The following RUVBL2 variants were observed in gnomAD, a reference collection of about 807,000 sequenced individuals.
The protein encoded by RUVBL2 is RuvB like AAA ATPase 2.
A neutral mutation model predicts 57.9 loss-of-function variants in RUVBL2; 9 were observed. The ratio of observed to expected loss-of-function variants is 0.16; its 90% CI spans 0.09 to 0.27. RUVBL2 has a LOEUF of 0.27. RUVBL2 is among the 10% of genes least tolerant of loss of function. The pLI is 1.00. For synonymous variants in RUVBL2, 278 were observed against 264.6 expected (o/e 1.05, Z -0.49); for missense variants, 456 against 669.6 (o/e 0.68, Z 3.52).
At chr19:48,996,119 C>A (rs1298164817) in intron 1 of RUVBL2, among the ~76,000 whole-genome samples, 1 of 151,492 alleles carries the variant, frequency 6.6e-6, no homozygotes, top group Non-Finnish European at 1.5e-5. Context: ...CCACAGCAGT[C>A]CAGCCTGGGG....
At chr19:49,012,674 C>T (rs10410984) in intron 11 of RUVBL2, among the ~76,000 whole-genome samples, 86,146 of 152,178 alleles carry the variant, frequency 0.57, 24,915 homozygotes, top group Admixed American at 0.66. Context: ...TGAGTGTGAA[C>T]GAGGCAACAC....
At chr19:49,008,402 G>A (rs190163063) in intron 6 of RUVBL2, among the ~76,000 whole-genome samples, 12,816 of 149,376 alleles carry the variant, frequency 0.086, 574 homozygotes, top group Middle Eastern at 0.1. Context: ...CACCACGCCC[G>A]GCTAATTTTT....
At chr19:49,010,357 G>C (rs1308089667) in intron 8 of RUVBL2, 131 bp from the exon 9 acceptor site, 1 of 943,774 alleles carries the variant, frequency 1.1e-6, no homozygotes, top group Non-Finnish European at 1.6e-6. Context: ...GGGGTTTCCA[G>C]ATGACCCCAT....
chr19:49,014,521 C>T lies in RUVBL2; in HGVS notation c.1039C>T (p.Pro347Ser). 6.2e-7 allele frequency: 1 copy of T among 1,614,124 alleles called. No homozygotes were observed. Among genetic ancestry groups the T allele is most frequent in the Non-Finnish European group, 8.5e-7 (1 of 1,180,000 alleles). The change falls in exon 12 of 15, where the codon CCC becomes TCC. Residue 347 changes from proline (P) to serine (S), a missense_variant. Pro to Ser is a moderately conservative substitution (Grantham distance 74). Around this residue, in one of 5 missense-constraint regions of RUVBL2, gnomAD observed 130 missense variants for 243.0 expected, o/e 0.53. Coordinates refer to ENST00000595090, the MANE Select transcript of RUVBL2 (RefSeq NM_006666.3). ...GTSYQSPHGIPIDLLDRLLIV... is the reference protein window; with the variant it reads ...GTSYQSPHGISIDLLDRLLIV... ...CAGCTACCAGAGCCCTCACGGCATC[C>T]CCATAGACCTGCTGGACCGGCTGCT...
chr19:49,015,542 C>T (rs1434995791), intron 13 of RUVBL2, 30 bp from the exon 14 acceptor site: 7 of 1,524,322 alleles, frequency 4.6e-6, no homozygotes, highest in Non-Finnish European at 5.5e-6. Context: ...CGGAGAGGGG[C>T]CCAACTGAGG....
At position 49,007,046 on chromosome 19, in the gene RUVBL2, G is replaced by A. The variant is rs370116802; in HGVS notation, c.294G>A (p.Thr98=). 1.4e-5 allele frequency: 22 copies of A among 1,612,944 alleles called. No individual in the cohort carries two copies. The highest frequency in any genetic ancestry group is 1.3e-4 in the African/African-American group (10 of 74,950). The change falls in exon 5 of 15, where the codon ACG becomes ACA. Residue 98 remains threonine (T), a synonymous_variant. Transcript: ENST00000595090. ...TGGCGCAGGCCCTGGGCCCTGACAC[G>A]CCATTCACAGCCATCGCCGGCAGTG... ...MGMAQALGPD[T]PFTAIAGSEI...
intron 1 of RUVBL2, among the ~76,000 whole-genome samples, chr19:48,998,598 A>G (rs2039111639): frequency 6.6e-6 from 1 of 151,708 alleles, no homozygotes; most frequent in Admixed American, 6.6e-5. Flanking sequence ...AGTCCCAGCT[A>G]CTCAGGAGGC....
chr19:48,998,509 A>G (rs763610947), intron 1 of RUVBL2, among the ~76,000 whole-genome samples: 1 of 151,774 alleles, frequency 6.6e-6, no homozygotes, highest in Non-Finnish European at 1.5e-5. Flanking sequence ...AGCCTGGCCA[A>G]CCCCAGTAGA....
rs2039421752 is a variant in RUVBL2 at position 49,011,235 on chromosome 19, TCTC to T, written c.929_931del (p.Ser310del). On this transcript the variant is annotated inframe_deletion, in exon 11 of 15. Transcript: ENST00000595090. This position sits in a 1 kb window ranked among gnomAD's most constrained non-coding sequence, Gnocchi z 4.4. The stretch of plus-strand genomic sequence containing the variant: ...GTCCACATGCTGGACATCGAGAGCT[TCTC>T]CTTCCTCAACCGGGCCCTGGAGAGT... The T allele has an allele frequency of 6.2e-7, 1 of 1,613,716 alleles. No individual in the cohort carries two copies. The highest frequency in any genetic ancestry group is 8.5e-7 in the Non-Finnish European group (1 of 1,180,010).
chr19:49,014,838 C>G (rs902200040), intron 12 of RUVBL2, among the ~76,000 whole-genome samples, 183 bp from the exon 13 acceptor site: 6 of 152,186 alleles, frequency 3.9e-5, no homozygotes, highest in African/African-American at 1.4e-4. Flanking sequence ...GTCAGGAGGC[C>G]TCGGTTTTAG....
At chr19:49,012,843 C>CCCCA (rs146032469) in intron 11 of RUVBL2, among the ~76,000 whole-genome samples, 2 of 141,804 alleles carry the variant, frequency 1.4e-5, no homozygotes, top group African/African-American at 5.3e-5. Flanking sequence ...TCAGTGCCCA[C>CCCCA]CACACACACA....
intron 9 of RUVBL2, 48 bp from the exon 10 acceptor site, chr19:49,010,951 A>G (rs1366869276): frequency 6.5e-7 from 1 of 1,534,586 alleles, no homozygotes; most frequent in African/African-American, 1.4e-5. Context: ...CTGGCCCTGG[A>G]ACCCGCCTCC....
At chr19:49,014,364 A>G in intron 11 of RUVBL2, 120 bp from the exon 12 acceptor site, 2 of 1,205,654 alleles carry the variant, frequency 1.7e-6, no homozygotes, top group Non-Finnish European at 2.3e-6. Flanking sequence ...GACGCGAGCT[A>G]AAGGTTAAGT....
chr19:49,015,963 GAA>G lies in RUVBL2; in HGVS notation c.*123_*124del. ...TATGTGTGGTTGCCCTGAGCCCACA[GAA>G]AGACACCTCCAGAGTGCGGATTGAG... is the stretch of plus-strand genomic sequence containing the variant. On this transcript the variant is annotated 3_prime_UTR_variant, in exon 15 of 15. Coordinates refer to ENST00000595090, the MANE Select transcript of RUVBL2 (RefSeq NM_006666.3). The G allele has an allele frequency of 6.2e-7, 1 of 1,614,246 alleles. No individual in the cohort carries two copies. Among genetic ancestry groups the G allele is most frequent in the Non-Finnish European group, 8.5e-7 (1 of 1,180,048 alleles).
In RUVBL2 at chr19:49,009,963, C is replaced by G. The variant is rs775997722; in HGVS notation, c.570-10C>G. ...TTCCTTTCCTTACCCTACCCCCCATCCCCCTGTAGGGACGTGATCACCATC... is the reference window on the plus strand; with the variant it reads ...TTCCTTTCCTTACCCTACCCCCCATGCCCCTGTAGGGACGTGATCACCATC... On this transcript the variant is annotated splice_polypyrimidine_tract_variant and intron_variant, in intron 7 of 14. Transcript: ENST00000595090. 7.8e-5 allele frequency: 126 copies of G among 1,605,144 alleles called. No individual in the cohort carries two copies. Among genetic ancestry groups the G allele is most frequent in the Middle Eastern group, 6.6e-4 (4 of 6,028 alleles).
intron 1 of RUVBL2, 56 bp from the exon 2 acceptor site, chr19:48,999,263 G>C: frequency 6.3e-7 from 1 of 1,575,854 alleles, no homozygotes; most frequent in Non-Finnish European, 8.7e-7. Context: ...ACAGAGGAGG[G>C]GTTGGTGAAA....
In RUVBL2 at chr19:49,010,497, G is replaced by C. The variant is rs752932024; in HGVS notation, c.673G>C (p.Val225Leu). The C allele has an allele frequency of 5.8e-6, 4 of 693,950 alleles. No individual in the cohort carries two copies. Among genetic ancestry groups the C allele is most frequent in the Non-Finnish European group, 9.3e-6 (4 of 430,260 alleles). 43.0% of individuals were successfully genotyped at this position (693,950 alleles called of 1,614,324 possible). A position where few individuals can be genotyped will look rare whatever the true frequency, so the allele number is the denominator to read the frequency against. The change falls in exon 9 of 15, where the codon GTG (valine) becomes CTG (leucine). Residue 225 changes from valine (V) to leucine (L), a missense_variant. Physicochemically the swap from Val to Leu is conservative, Grantham distance 32. Coordinates refer to ENST00000595090, the MANE Select transcript of RUVBL2 (RefSeq NM_006666.3). The part of the protein sequence containing the change: ...YDAMGSQTKF[V>L]QCPDGELQKR... ...CACCCCCGCCCCATAGACCAAGTTC[G>C]TGCAGTGCCCAGATGGGGAGCTCCA...
chr19:48,994,678 C>T (rs2039018245), intron 1 of RUVBL2: 1 of 152,196 alleles, frequency 6.6e-6, no homozygotes, highest in African/African-American at 2.4e-5. Context: ...GCCTGTAATC[C>T]CAGCACTTTG....
At chr19:49,000,877 G>A (rs1269183653) in intron 2 of RUVBL2, among the ~76,000 whole-genome samples, 3 of 151,274 alleles carry the variant, frequency 2.0e-5, no homozygotes, top group Non-Finnish European at 4.4e-5. Flanking sequence ...GCCAAGTATG[G>A]CCGGGCATGA....
Sources: allele counts gnomAD v4.1 joint callset (sites outside exome capture counted in the v4.1 genomes callset), GRCh38; gene constraint gnomAD v4.1.1; regional missense constraint gnomAD v4.1.1; non-coding constraint Gnocchi (gnomAD v3.1); transcripts MANE v1.5; gene names NCBI Gene and HGNC (gene_info 2026-07-23, HGNC 2026-07-21).